Variants in SLBP observed in about 807,000 individuals in gnomAD.
SLBP encodes the protein histone RNA hairpin-binding protein.
A neutral mutation model predicts 39.2 loss-of-function variants in SLBP; 29 were observed. That is an observed-to-expected ratio of 0.74 (90% CI 0.55 to 1.01). The LOEUF (loss-of-function observed/expected upper bound fraction) is 1.01. Among genes scored for constraint, SLBP ranks in the 50% least tolerant of loss-of-function variants. The pLI, the probability that SLBP is intolerant of heterozygous loss-of-function variation, is 0.00. For missense variants in SLBP, 390 were observed against 350.2 expected (o/e 1.11, Z -0.91); for synonymous variants, 129 against 118.7 (o/e 1.09, Z -0.57).
chr4:1,699,757 T>C (rs1716255999), intron 4 of SLBP, 56 bp from the exon 5 acceptor site: 3 of 1,531,082 alleles, frequency 2.0e-6, no homozygotes, highest in Non-Finnish European at 2.7e-6. Flanking sequence ...ACCATGTATG[T>C]AAGGTAAGCC....
intron 2 of SLBP, among the ~76,000 whole-genome samples, chr4:1,704,081 CTG>C (rs985804627): frequency 3.7e-4 from 57 of 152,228 alleles, no homozygotes; most frequent in African/African-American, 1.3e-3. Flanking sequence ...AGTGTGCCCA[CTG>C]TGTTTGGGGG....
At chr4:1,708,261 C>T (rs1716600711) in intron 2 of SLBP, among the ~76,000 whole-genome samples, 1 of 152,064 alleles carries the variant, frequency 6.6e-6, no homozygotes. Flanking sequence ...AAAAAATACA[C>T]TAGATACTAA....
Position 1,693,595 on chromosome 4 carries a change from AG to A in SLBP, c.*1del. On this transcript the variant is annotated 3_prime_UTR_variant, in exon 8 of 8. Coordinates refer to ENST00000489418, the MANE Select transcript of SLBP (RefSeq NM_006527.4). ...TTTCTCTTCCTGGCCGCCAGGGGGCAGTTAGCTCATGGCTGAGAAGTCTCTC... is the reference window on the plus strand; with the variant it reads ...TTTCTCTTCCTGGCCGCCAGGGGGCATTAGCTCATGGCTGAGAAGTCTCTC... 6.3e-7 allele frequency: 1 copy of A among 1,590,804 alleles called. No homozygotes were observed. The highest frequency in any genetic ancestry group is 8.6e-7 in the Non-Finnish European group (1 of 1,158,788).
intron 3 of SLBP, among the ~76,000 whole-genome samples, chr4:1,701,588 TTTAAA>T (rs1290802131): frequency 1.3e-5 from 2 of 152,062 alleles, no homozygotes; most frequent in Non-Finnish European, 2.9e-5. Context: ...GGGCCAGCAG[TTTAAA>T]TTACACAGGT....
intron 6 of SLBP, among the ~76,000 whole-genome samples, 194 bp from the exon 7 acceptor site, chr4:1,695,034 G>A (rs1057270030): frequency 3.9e-5 from 6 of 152,156 alleles, no homozygotes; most frequent in Non-Finnish European, 7.3e-5. Flanking sequence ...AAGAGAAAGC[G>A]GATGGCAATG....
At chr4:1,712,084 C>G in intron 1 of SLBP, 46 bp downstream of exon 1, 1 of 1,230,636 alleles carries the variant, frequency 8.1e-7, no homozygotes, top group African/African-American at 1.6e-5. Flanking sequence ...CAACCCCCGC[C>G]CCACGGGGCA....
chr4:1,696,397 A>G (rs1483565022), intron 5 of SLBP, 46 bp from the exon 6 acceptor site: 2 of 1,452,440 alleles, frequency 1.4e-6, no homozygotes, highest in Non-Finnish European at 1.8e-6. Context: ...TGCCACTCAC[A>G]TTTCCACATT....
At chr4:1,700,874 G>GT (rs1716299277) in intron 3 of SLBP, among the ~76,000 whole-genome samples, 1 of 151,974 alleles carries the variant, frequency 6.6e-6, no homozygotes. Context: ...TGTCATGCAG[G>GT]TATCTAAATT....
intron 2 of SLBP, among the ~76,000 whole-genome samples, chr4:1,708,703 C>G (rs935200994): frequency 9.9e-5 from 15 of 152,206 alleles, no homozygotes; most frequent in African/African-American, 3.6e-4. Context: ...TATTCATAAT[C>G]TACCCTATCT....
At position 1,703,714 on chromosome 4, in the gene SLBP, A is replaced by G. The variant is rs369980820; in HGVS notation, c.177-14T>C. 6 of 1,516,378 alleles carry G rather than the reference A, an allele frequency of 4.0e-6. No individual in the cohort carries two copies. The African/African-American group carries it at 8.2e-5, about 21-fold the overall frequency. 93.9% of individuals were successfully genotyped at this position (1,516,378 alleles called of 1,614,324 possible). On this transcript the variant is annotated splice_polypyrimidine_tract_variant and intron_variant, in intron 2 of 7. Coordinates refer to ENST00000489418, the MANE Select transcript of SLBP (RefSeq NM_006527.4). ...GGAGTGGTAAAGCTGCAATAAAAGG[A>G]AAATGCTACTGAACCATGACACATA...
Position 1,700,323 on chromosome 4 carries a change from CA to C in SLBP, c.282-254del, listed in dbSNP as rs372857779. ...AAATTGAAATAAATTATTTTAAAAACACCAAACTTACTAATGGGACTCATAT... is the reference window on the plus strand; with the variant it reads ...AAATTGAAATAAATTATTTTAAAAACCCAAACTTACTAATGGGACTCATAT... On this transcript the variant is annotated intron_variant, in intron 3 of 7. Coordinates refer to ENST00000489418, the MANE Select transcript of SLBP (RefSeq NM_006527.4). Among the ~76,000 whole-genome samples the C allele has an allele frequency of 2.6e-3, 402 of 152,212 alleles. 2 individuals are homozygous for C. Among genetic ancestry groups the C allele is most frequent in the African/African-American group, 8.8e-3 (367 of 41,546 alleles).
intron 3 of SLBP, among the ~76,000 whole-genome samples, chr4:1,700,733 A>T (rs1488637810): frequency 4.6e-5 from 7 of 151,940 alleles, no homozygotes; most frequent in East Asian, 1.9e-4. Flanking sequence ...CTCCAAAAAA[A>T]TTTTTTTCTT....
intron 3 of SLBP, among the ~76,000 whole-genome samples, chr4:1,703,374 A>T (rs560156293): frequency 5.9e-5 from 9 of 151,552 alleles, no homozygotes; most frequent in African/African-American, 1.7e-4. Context: ...GAAAGAGTGG[A>T]CCCGCCTGGA....
chr4:1,703,543 G>A, intron 3 of SLBP, 53 bp downstream of exon 3: 1 of 1,077,420 alleles, frequency 9.3e-7, no homozygotes, highest in South Asian at 1.2e-5. Context: ...CAAATTTAAT[G>A]TGTTACTGAA....
intron 6 of SLBP, 140 bp downstream of exon 6, chr4:1,696,062 C>T (rs1432215898): frequency 3.4e-6 from 2 of 580,746 alleles, no homozygotes. Flanking sequence ...AAGAACTCAG[C>T]ACCGAGCTGC....
chr4:1,710,488 G>A (rs1401725833), intron 2 of SLBP, among the ~76,000 whole-genome samples: 1 of 152,240 alleles, frequency 6.6e-6, no homozygotes, highest in Non-Finnish European at 1.5e-5. Context: ...CTAATGTTAA[G>A]GACATACCTA....
At chr4:1,705,178 C>T (rs1310276755) in intron 2 of SLBP, among the ~76,000 whole-genome samples, 3 of 152,114 alleles carry the variant, frequency 2.0e-5, no homozygotes, top group Non-Finnish European at 2.9e-5. Context: ...CCACCTGCCT[C>T]GGCCTCCCAA....
intron 7 of SLBP, among the ~76,000 whole-genome samples, chr4:1,694,048 G>A (rs1016838576): frequency 6.6e-6 from 1 of 152,198 alleles, no homozygotes; most frequent in Non-Finnish European, 1.5e-5. Context: ...GCTGTCTCAG[G>A]ACAGGAGACA....
At position 1,703,021 on chromosome 4, in the gene SLBP, C is replaced by T. The variant is rs571579013; in HGVS notation, c.281+575G>A. On this transcript the variant is annotated intron_variant, in intron 3 of 7. Transcript: ENST00000489418. ...CAGCACTTTGGGAGGCCGAGGTGGG[C>T]GGATCAGGAGTTCAAGACCAGCCTG... 5.3e-5 allele frequency among the ~76,000 whole-genome samples: 8 copies of T among 151,850 alleles called. No homozygotes were observed. The East Asian group carries it at 9.7e-4, about 18-fold the overall frequency.
Sources: gnomAD v4.1 joint callset for allele counts (sites outside exome capture counted in the v4.1 genomes callset) on GRCh38, gnomAD v4.1.1 for gene constraint, MANE v1.5 for transcripts, NCBI Gene and HGNC (gene_info 2026-07-23, HGNC 2026-07-21) for gene names.